ZNF804B: variants seen among roughly 807,000 people sequenced by gnomAD.
ZNF804B encodes zinc finger protein 804B.
Under a neutral mutation model 101.4 loss-of-function variants are expected in ZNF804B, and 80 were observed. The ratio of observed to expected loss-of-function variants is 0.79; its 90% CI spans 0.66 to 0.95. The LOEUF (loss-of-function observed/expected upper bound fraction) is 0.95. Ranked by LOEUF, ZNF804B falls within the 40% of genes least tolerant of loss-of-function variation. ZNF804B has a pLI of 0.00. For synonymous variants in ZNF804B, 622 were observed against 558.8 expected (o/e 1.11, Z -1.59); for missense variants, 1,673 against 1,561.9 (o/e 1.07, Z -1.20).
At chr7:89,231,368 T>C (rs1789188154) in intron 2 of ZNF804B, among the ~76,000 whole-genome samples, 1 of 152,106 alleles carries the variant, frequency 6.6e-6, no homozygotes, top group Non-Finnish European at 1.5e-5. Flanking sequence ...TAGCAAGTTT[T>C]GAAATTAGAT....
intron 1 of ZNF804B, among the ~76,000 whole-genome samples, chr7:89,069,453 C>T (rs1789502476): frequency 1.3e-5 from 2 of 152,014 alleles, no homozygotes; most frequent in African/African-American, 4.8e-5. Context: ...AAATATCATG[C>T]ATACTTCAGT....
intron 1 of ZNF804B, among the ~76,000 whole-genome samples, chr7:89,140,166 G>A (rs1179420528): frequency 5.9e-5 from 9 of 151,852 alleles, no homozygotes; most frequent in Non-Finnish European, 1.5e-5. Flanking sequence ...TTTTTTCTGA[G>A]TAGAAAAAAA....
chr7:88,824,760 C>T (rs999955526), intron 1 of ZNF804B, among the ~76,000 whole-genome samples: 13 of 152,098 alleles, frequency 8.5e-5, no homozygotes, highest in Non-Finnish European at 1.9e-4. Context: ...CATTCCAGAT[C>T]GTGGAACCCT....
chr7:89,183,037 G>A (rs1317838133), intron 1 of ZNF804B, among the ~76,000 whole-genome samples: 1 of 152,126 alleles, frequency 6.6e-6, no homozygotes, highest in Non-Finnish European at 1.5e-5. Context: ...AAAATACAAT[G>A]GGGGCTCATG....
intron 1 of ZNF804B, among the ~76,000 whole-genome samples, chr7:88,816,928 C>T (rs1790888358): frequency 6.7e-6 from 1 of 148,244 alleles, no homozygotes; most frequent in Non-Finnish European, 1.5e-5. Flanking sequence ...AAGACACATG[C>T]ACAGGTATGT....
At chr7:89,123,466 C>G (rs1173162621) in intron 1 of ZNF804B, among the ~76,000 whole-genome samples, 1 of 152,056 alleles carries the variant, frequency 6.6e-6, no homozygotes, top group East Asian at 1.9e-4. Context: ...GTCCATGGCT[C>G]TATTCATTTA....
At chr7:89,006,321 C>T (rs1485697800) in intron 1 of ZNF804B, among the ~76,000 whole-genome samples, 10 of 152,036 alleles carry the variant, frequency 6.6e-5, no homozygotes, top group Admixed American at 6.6e-4. Context: ...AAGGTAATAA[C>T]AATATCGTGC....
chr7:88,812,703 C>A (rs934327001), intron 1 of ZNF804B, among the ~76,000 whole-genome samples: 1 of 151,934 alleles, frequency 6.6e-6, no homozygotes, highest in East Asian at 1.9e-4. Flanking sequence ...TACATATACA[C>A]AATATTATTC....
intron 1 of ZNF804B, among the ~76,000 whole-genome samples, chr7:88,926,944 G>GGGGGGC: frequency 1.2e-5 from 1 of 85,838 alleles, no homozygotes; most frequent in African/African-American, 5.1e-5. Context: ...GGTGGGGAGC[G>GGGGGGC]GGGGGAAAGC....
intron 1 of ZNF804B, among the ~76,000 whole-genome samples, chr7:89,167,097 A>G (rs1359517315): frequency 6.6e-6 from 1 of 151,854 alleles, no homozygotes; most frequent in Non-Finnish European, 1.5e-5. Flanking sequence ...CTTTTTATAT[A>G]TATTCTTAGA....
Position 89,220,032 on chromosome 7 carries a change from C to T in ZNF804B, c.249+1737C>T, listed in dbSNP as rs567950259. Among the ~76,000 whole-genome samples the T allele has an allele frequency of 2.0e-3, 176 of 88,042 alleles. 67 individuals are homozygous for T. The highest frequency in any genetic ancestry group is 7.6e-3 in the African/African-American group (154 of 20,264). 57.8% of individuals were successfully genotyped at this position (88,042 alleles called of 152,430 possible). On this transcript the variant is annotated intron_variant, in intron 2 of 3. Coordinates refer to ENST00000333190, the MANE Select transcript of ZNF804B (RefSeq NM_181646.5). ...ATATATGTGTGTATACATATATATA[C>T]GCACATATATGTGCATATATACATA... is the stretch of plus-strand genomic sequence containing the variant.
At chr7:89,119,865 A>C (rs966164522) in intron 1 of ZNF804B, among the ~76,000 whole-genome samples, 1 of 152,204 alleles carries the variant, frequency 6.6e-6, no homozygotes, top group Admixed American at 6.5e-5. Flanking sequence ...ATGAGTTTCT[A>C]TATTGTTTGT....
intron 1 of ZNF804B, among the ~76,000 whole-genome samples, chr7:88,918,316 T>C (rs997948127): frequency 1.3e-5 from 2 of 152,184 alleles, no homozygotes; most frequent in African/African-American, 4.8e-5. Context: ...TACACTATTG[T>C]GTTTGTAATT....
chr7:89,243,956 T>C (rs1218052389), intron 2 of ZNF804B, among the ~76,000 whole-genome samples: 2 of 151,996 alleles, frequency 1.3e-5, no homozygotes, highest in East Asian at 1.9e-4. Context: ...GGAAAGTGTT[T>C]GCATTTTAAC....
At chr7:89,278,795 G>C (rs1790031443) in intron 2 of ZNF804B, among the ~76,000 whole-genome samples, 1 of 151,218 alleles carries the variant, frequency 6.6e-6, no homozygotes, top group Admixed American at 6.6e-5. Flanking sequence ...GATGCCTCCA[G>C]CTTTGTTCTT....
Position 89,171,389 on chromosome 7 carries a change from TTCTTCC to T in ZNF804B, c.109-46760_109-46755del, listed in dbSNP as rs1307424002. Among the ~76,000 whole-genome samples, 20 of 135,302 alleles carry T rather than the reference TTCTTCC, an allele frequency of 1.5e-4. 1 individual carries two copies. The highest frequency in any genetic ancestry group is 2.8e-4 in the African/African-American group (10 of 36,074). 88.8% of individuals were successfully genotyped at this position (135,302 alleles called of 152,430 possible). A position where few individuals can be genotyped will look rare whatever the true frequency, so the allele number is the denominator to read the frequency against. The stretch of plus-strand genomic sequence containing the variant: ...CTTCCTCTTCTTCCTCTTCTTCCTC[TTCTTCC>T]TCTTCTTCTTCTTCTTCTTCTTCTC... On this transcript the variant is annotated intron_variant, in intron 1 of 3. Coordinates refer to ENST00000333190, the MANE Select transcript of ZNF804B (RefSeq NM_181646.5).
chr7:88,822,042 G>A (rs1453207994), intron 1 of ZNF804B, among the ~76,000 whole-genome samples: 2 of 152,168 alleles, frequency 1.3e-5, no homozygotes, highest in African/African-American at 2.4e-5. Flanking sequence ...AACGGTCATT[G>A]ACTCCTGTAC....
chr7:89,112,686 T>C (rs1790236891), intron 1 of ZNF804B, among the ~76,000 whole-genome samples: 2 of 152,120 alleles, frequency 1.3e-5, no homozygotes, highest in South Asian at 4.1e-4. Flanking sequence ...TGGAATTGTG[T>C]TAAATCTATA....
rs553602953 is a variant in ZNF804B, at chr7:88,778,335, A to G, written c.108+18251A>G. On this transcript the variant is annotated intron_variant, in intron 1 of 3. Coordinates refer to ENST00000333190, the MANE Select transcript of ZNF804B (RefSeq NM_181646.5). Reference sequence around the variant, plus strand: ...TCATGGTTCGATCGGGCCCACTTGGATAAGCCAGGATACTCTTCCCATGTC... The same window carrying G: ...TCATGGTTCGATCGGGCCCACTTGGGTAAGCCAGGATACTCTTCCCATGTC... Among the ~76,000 whole-genome samples, 12 of 152,298 alleles carry G rather than the reference A, an allele frequency of 7.9e-5. No individual in the cohort carries two copies. The South Asian group carries it at 2.5e-3, about 32-fold the overall frequency.
Sources: gnomAD v4.1 joint callset for allele counts (sites outside exome capture counted in the v4.1 genomes callset) on GRCh38, gnomAD v4.1.1 for gene constraint, MANE v1.5 for transcripts, NCBI Gene and HGNC (gene_info 2026-07-23, HGNC 2026-07-21) for gene names.